Variants in EDA observed in about 807,000 individuals in gnomAD.
EDA encodes the protein ectodysplasin A, also known as ectodysplasin-A.
Under a neutral mutation model 23.6 loss-of-function variants are expected in EDA, and 2 were observed. The observed-to-expected ratio is 0.08, with a 90% CI of 0.03 to 0.27. The LOEUF (loss-of-function observed/expected upper bound fraction) is 0.27. Among genes scored for constraint, EDA ranks in the 10% least tolerant of loss-of-function variants. The pLI is 1.00. For synonymous variants in EDA, 131 were observed against 132.0 expected, an observed-to-expected ratio of 0.99 and a Z score of 0.05; for missense variants, 229 against 324.2, an observed-to-expected ratio of 0.71 and a Z score of 2.26.
intron 1 of EDA, among the ~76,000 whole-genome samples, chrX:69,835,042 C>A (rs887068092): frequency 1.3e-5 from 1 of 79,533 alleles, no homozygotes; most frequent in Middle Eastern, 6.0e-3. Context: ...AATATCGGAC[C>A]CCACTCTCTT....
intron 1 of EDA, among the ~76,000 whole-genome samples, chrX:69,770,033 C>T (rs1337013421): frequency 4.5e-5 from 5 of 111,700 alleles, no homozygotes; most frequent in South Asian, 7.5e-4. Flanking sequence ...TTTTGAGATT[C>T]GCCGTTTTCA....
chrX:69,797,824 A>G (rs1472337378), intron 1 of EDA, among the ~76,000 whole-genome samples: 1 of 111,996 alleles, frequency 8.9e-6, no homozygotes, highest in East Asian at 2.8e-4. Context: ...ACTAATAATA[A>G]ACTTGAATGT....
At chrX:69,740,214 T>C (rs926608080) in intron 1 of EDA, among the ~76,000 whole-genome samples, 2 of 111,506 alleles carry the variant, frequency 1.8e-5, no homozygotes, top group Non-Finnish European at 3.8e-5. Flanking sequence ...TCTAAGTGTA[T>C]AATTACCTTT....
intron 1 of EDA, among the ~76,000 whole-genome samples, chrX:69,696,391 C>A (rs373051078): frequency 8.9e-6 from 1 of 112,101 alleles, no homozygotes; most frequent in African/African-American, 3.2e-5. Flanking sequence ...TTAGCTTGAT[C>A]ACACATAAAA....
chrX:69,978,318 T>TAAAAAAAAAA (rs144187734), intron 2 of EDA, among the ~76,000 whole-genome samples: 2 of 20,421 alleles, frequency 9.8e-5, no homozygotes, highest in African/African-American at 2.5e-4. Flanking sequence ...ACTCCATCTC[T>TAAAAAAAAAA]AAAAAAAAAA....
intron 1 of EDA, among the ~76,000 whole-genome samples, chrX:69,806,739 T>C (rs1408079889): frequency 9.0e-6 from 1 of 110,515 alleles, no homozygotes; most frequent in Non-Finnish European, 1.9e-5. Flanking sequence ...GAGTAGGAGT[T>C]ATCTAGACAG....
chrX:69,966,154 G>A (rs1301343435), intron 2 of EDA, among the ~76,000 whole-genome samples: 1 of 112,406 alleles, frequency 8.9e-6, no homozygotes, highest in Non-Finnish European at 1.9e-5. Context: ...ATAATTAGGG[G>A]TGGAAAAACT....
intron 1 of EDA, among the ~76,000 whole-genome samples, chrX:69,619,881 A>G (rs1170438576): frequency 8.9e-6 from 1 of 112,140 alleles, no homozygotes; most frequent in Non-Finnish European, 1.9e-5. Context: ...CAAACCACTT[A>G]CAAAACACTT....
At chrX:69,879,675 A>T (rs1045696506) in intron 1 of EDA, among the ~76,000 whole-genome samples, 1 of 112,324 alleles carries the variant, frequency 8.9e-6, no homozygotes, top group East Asian at 2.8e-4. Flanking sequence ...CTCAAAACAG[A>T]ACAAGAAATA....
At chrX:69,648,357 G>A (rs747863683) in intron 1 of EDA, among the ~76,000 whole-genome samples, 1 of 112,018 alleles carries the variant, frequency 8.9e-6, no homozygotes, top group East Asian at 2.8e-4. Context: ...GTCCCAGGGA[G>A]AGATCAGAGC....
intron 1 of EDA, among the ~76,000 whole-genome samples, chrX:69,941,489 T>C (rs1040567830): frequency 9.0e-6 from 1 of 111,480 alleles, no homozygotes; most frequent in African/African-American, 3.3e-5. Context: ...AAAATTGTTA[T>C]ATCCTCTTGT....
intron 1 of EDA, among the ~76,000 whole-genome samples, chrX:69,913,488 T>C (rs1177403258): frequency 2.7e-5 from 3 of 112,485 alleles, no homozygotes; most frequent in Non-Finnish European, 5.6e-5. Flanking sequence ...TTCACAGAGT[T>C]GAAGAGAGTT....
At chrX:69,834,643 C>T (rs373601670) in intron 1 of EDA, among the ~76,000 whole-genome samples, 5 of 109,541 alleles carry the variant, frequency 4.6e-5, no homozygotes, top group Middle Eastern at 4.3e-3. Context: ...ACATAGCCCA[C>T]GGATGGGTCT....
At chrX:69,826,141 G>A (rs1463815200) in intron 1 of EDA, among the ~76,000 whole-genome samples, 1 of 110,913 alleles carries the variant, frequency 9.0e-6, no homozygotes, top group African/African-American at 3.3e-5. Flanking sequence ...TTTTGGAATA[G>A]GTGTGATGTG....
At chrX:69,678,323 A>G (rs1934186467) in intron 1 of EDA, among the ~76,000 whole-genome samples, 1 of 110,538 alleles carries the variant, frequency 9.0e-6, no homozygotes, top group African/African-American at 3.3e-5. Flanking sequence ...TTGGTTCCAT[A>G]TGAACTTTAA....
intron 1 of EDA, among the ~76,000 whole-genome samples, chrX:69,805,126 T>C (rs2015784594): frequency 1.8e-5 from 2 of 111,501 alleles, no homozygotes; most frequent in African/African-American, 6.5e-5. Flanking sequence ...GGCTGAGATA[T>C]GTCCTGGAGA....
intron 1 of EDA, among the ~76,000 whole-genome samples, chrX:69,810,667 A>C (rs2015933376): frequency 9.2e-6 from 1 of 108,658 alleles, no homozygotes; most frequent in South Asian, 4.1e-4. Context: ...GAGGCAGGAG[A>C]ATCACTTGAA....
At chrX:69,802,411 T>C (rs1320450082) in intron 1 of EDA, among the ~76,000 whole-genome samples, 2 of 110,114 alleles carry the variant, frequency 1.8e-5, no homozygotes, top group Non-Finnish European at 3.8e-5. Flanking sequence ...AAATTCAAGA[T>C]GGTATTTAAT....
At chrX:69,743,018 C>G (rs2013507729) in intron 1 of EDA, 1 of 111,060 alleles carries the variant, frequency 9.0e-6, no homozygotes, top group Non-Finnish European at 1.9e-5. Flanking sequence ...GGAGCTGAGA[C>G]TTGAGATTTG....
Sources: allele counts gnomAD v4.1 joint callset (sites outside exome capture counted in the v4.1 genomes callset), GRCh38; gene constraint gnomAD v4.1.1; transcripts MANE v1.5; gene names NCBI Gene and HGNC (gene_info 2026-07-23, HGNC 2026-07-21).